Variants in ZMYM4 observed in about 807,000 individuals in gnomAD.
The protein encoded by ZMYM4 is zinc finger MYM-type protein 4.
ZMYM4 carries 31 observed loss-of-function variants against 183.2 expected under a neutral mutation model. The observed-to-expected ratio is 0.17, with a 90% CI of 0.13 to 0.23. The LOEUF (loss-of-function observed/expected upper bound fraction) is 0.23. Ranked by LOEUF, ZMYM4 falls within the 10% of genes least tolerant of loss-of-function variation. ZMYM4 has a pLI of 1.00. For missense variants in ZMYM4, 1,273 were observed against 1,840.3 expected, an observed-to-expected ratio of 0.69 and a Z score of 5.64; for synonymous variants, 592 against 631.2, an observed-to-expected ratio of 0.94 and a Z score of 0.93.
chr1:35,323,720 T>A (rs1642387816), intron 1 of ZMYM4, among the ~76,000 whole-genome samples: 1 of 151,880 alleles, frequency 6.6e-6, no homozygotes. Context: ...GTCCGGCTAA[T>A]TTTTTTGTAT....
intron 1 of ZMYM4, among the ~76,000 whole-genome samples, chr1:35,291,342 C>T (rs1044857761): frequency 1.3e-5 from 2 of 151,854 alleles, no homozygotes; most frequent in African/African-American, 4.8e-5. Flanking sequence ...AGGCTGGTCT[C>T]ATATTTCTGG....
intron 1 of ZMYM4, among the ~76,000 whole-genome samples, chr1:35,290,178 G>A (rs567790064): frequency 3.1e-4 from 47 of 152,274 alleles, no homozygotes; most frequent in Middle Eastern, 3.4e-3. Context: ...ATGTTGGCCA[G>A]GCTGGCCTTG....
At chr1:35,380,379 G>T (rs1644429272) in intron 7 of ZMYM4, among the ~76,000 whole-genome samples, 1 of 151,782 alleles carries the variant, frequency 6.6e-6, no homozygotes, top group Admixed American at 6.6e-5. Context: ...CCATGCTGGA[G>T]TGCAGTGGCA....
chr1:35,389,898 A>G lies in ZMYM4; in HGVS notation c.2437-50A>G. On this transcript the variant is annotated intron_variant, in intron 14 of 29. Coordinates refer to ENST00000314607, the MANE Select transcript of ZMYM4 (RefSeq NM_005095.3). The surrounding 1 kb of genome is among the most constrained non-coding windows in gnomAD (Gnocchi z 4.0). ...ATGTGTGTCTTATTTTTATTTTGTC[A>G]GACCACAGATAATTTGTTTCTTACT... 2 of 1,555,294 alleles carry G rather than the reference A, an allele frequency of 1.3e-6. No individual in the cohort carries two copies. Among genetic ancestry groups the G allele is most frequent in the Non-Finnish European group, 1.7e-6 (2 of 1,147,810 alleles).
At chr1:35,364,531 G>C (rs1180052297) in intron 5 of ZMYM4, among the ~76,000 whole-genome samples, 1 of 151,990 alleles carries the variant, frequency 6.6e-6, no homozygotes, top group East Asian at 1.9e-4. Flanking sequence ...TTTCAAAATT[G>C]CATAATTTAT....
Position 35,270,832 on chromosome 1 carries a change from C to T in ZMYM4, c.39+1747C>T, listed in dbSNP as rs115541683. ...CACTTGTTTTATCATATATTTACCCCTCTATCCCTCTTTCTGTTCATCAGT... is the reference window on the plus strand; with the variant it reads ...CACTTGTTTTATCATATATTTACCCTTCTATCCCTCTTTCTGTTCATCAGT... On this transcript the variant is annotated intron_variant, in intron 1 of 29. Coordinates refer to ENST00000314607, the MANE Select transcript of ZMYM4 (RefSeq NM_005095.3). Among the ~76,000 whole-genome samples the T allele has an allele frequency of 8.4e-3, 1,285 of 152,208 alleles. 17 individuals are homozygous for T. The highest frequency in any genetic ancestry group is 0.029 in the African/African-American group (1,218 of 41,524).
Position 35,325,606 on chromosome 1 carries a change from ATATTT to A in ZMYM4, c.85+206_85+210del, listed in dbSNP as rs772449003. On this transcript the variant is annotated intron_variant, in intron 2 of 29. Coordinates refer to ENST00000314607, the MANE Select transcript of ZMYM4 (RefSeq NM_005095.3). ...AGAATCTTATTCTTTTTTTCAATAA[ATATTT>A]TATTCTCATAGTTATCATATTAAAA... Among the ~76,000 whole-genome samples, 72 of 152,040 alleles carry A rather than the reference ATATTT, an allele frequency of 4.7e-4. 1 individual carries two copies. The highest frequency in any genetic ancestry group is 9.6e-4 in the Non-Finnish European group (65 of 67,986).
chr1:35,405,075 C>G lies in ZMYM4; in HGVS notation c.3581C>G (p.Ala1194Gly), dbSNP rs749431313. ...AVEPRSLIQGAFQGCSVSGMT... is the reference protein window; with the variant it reads ...AVEPRSLIQGGFQGCSVSGMT... ...GAGCCCAGGAGTCTTATTCAAGGAG[C>G]CTTTCAAGGCTGCTCAGTGTCCGGG... Residue 1194 changes from alanine (A) to glycine (G), a missense_variant, in exon 24 of 30, where the codon GCC (alanine) becomes GGC (glycine). Ala to Gly is a moderately conservative substitution (Grantham distance 60). This residue lies in a region of ZMYM4 where 133 missense variants were observed against 155.7 expected (regional missense o/e 0.85). Transcript: ENST00000314607. 1.9e-6 allele frequency: 3 copies of G among 1,613,822 alleles called. No homozygotes were observed. The highest frequency in any genetic ancestry group is 1.7e-5 in the Admixed American group (1 of 59,984).
intron 5 of ZMYM4, among the ~76,000 whole-genome samples, chr1:35,363,305 T>C (rs1643989415): frequency 6.6e-6 from 1 of 152,148 alleles, no homozygotes; most frequent in Non-Finnish European, 1.5e-5. Context: ...TTAGATGTTT[T>C]TGGACAGGAT....
chr1:35,377,817 A>G (rs1160060134), intron 7 of ZMYM4, among the ~76,000 whole-genome samples: 2 of 152,140 alleles, frequency 1.3e-5, no homozygotes, highest in African/African-American at 2.4e-5. Flanking sequence ...GGCTGTGGCA[A>G]TTTCTTAAGA....
intron 1 of ZMYM4, among the ~76,000 whole-genome samples, chr1:35,301,557 A>G (rs1260857455): frequency 1.3e-5 from 2 of 151,252 alleles, no homozygotes; most frequent in African/African-American, 4.9e-5. Context: ...AAAAAAAAAA[A>G]AAAAAGTCTT....
At chr1:35,413,297 G>A (rs547817704) in intron 26 of ZMYM4, among the ~76,000 whole-genome samples, 4 of 151,294 alleles carry the variant, frequency 2.6e-5, no homozygotes, top group African/African-American at 7.4e-5. Context: ...CTCTCACCTT[G>A]GCCTCCCAAA....
At chr1:35,375,635 A>G (rs1388057222) in intron 7 of ZMYM4, among the ~76,000 whole-genome samples, 1 of 152,256 alleles carries the variant, frequency 6.6e-6, no homozygotes, top group African/African-American at 2.4e-5. Context: ...GAAGAAGCTC[A>G]TTAGCTATTC....
intron 1 of ZMYM4, among the ~76,000 whole-genome samples, chr1:35,272,468 A>G (rs985143073): frequency 4.6e-5 from 7 of 152,140 alleles, no homozygotes; most frequent in African/African-American, 1.4e-4. Flanking sequence ...TTGCGTCTGG[A>G]CATCTTGTGA....
chr1:35,406,263 T>C (rs1292143383), intron 25 of ZMYM4, among the ~76,000 whole-genome samples: 3 of 152,238 alleles, frequency 2.0e-5, no homozygotes, highest in Non-Finnish European at 4.4e-5. Flanking sequence ...TGAGTTCCTA[T>C]AGATGAAATG....
intron 28 of ZMYM4, among the ~76,000 whole-genome samples, chr1:35,418,008 C>CAA (rs200926725): frequency 1.1e-4 from 14 of 132,740 alleles, no homozygotes; most frequent in Admixed American, 3.8e-4. Context: ...AGTTCCGTCT[C>CAA]AAAAAAAAAA....
chr1:35,377,441 T>G (rs1044635665), intron 7 of ZMYM4, among the ~76,000 whole-genome samples: 7 of 152,212 alleles, frequency 4.6e-5, no homozygotes, highest in African/African-American at 1.7e-4. Flanking sequence ...TGATTTCCCA[T>G]TATATCTACT....
At chr1:35,331,310 T>G (rs1392004041) in intron 2 of ZMYM4, among the ~76,000 whole-genome samples, 3 of 152,152 alleles carry the variant, frequency 2.0e-5, no homozygotes, top group Non-Finnish European at 4.4e-5. Flanking sequence ...TCTCAATAAT[T>G]TTTTAGTTCT....
chr1:35,304,163 T>C (rs953235374), intron 1 of ZMYM4, among the ~76,000 whole-genome samples: 8 of 152,144 alleles, frequency 5.3e-5, no homozygotes, highest in Non-Finnish European at 1.2e-4. Context: ...TAGCTGGGAT[T>C]ACCGGTGCAT....
Sources: allele counts gnomAD v4.1 joint callset (sites outside exome capture counted in the v4.1 genomes callset), GRCh38; gene constraint gnomAD v4.1.1; regional missense constraint gnomAD v4.1.1; non-coding constraint Gnocchi (gnomAD v3.1); transcripts MANE v1.5; gene names NCBI Gene and HGNC (gene_info 2026-07-23, HGNC 2026-07-21).